Variants in KIF16B observed in about 807,000 individuals in gnomAD.
KIF16B encodes the protein kinesin family member 16B.
In KIF16B, 98 loss-of-function variants were observed where a neutral mutation model predicts 156.3. That is an observed-to-expected ratio of 0.63 (90% CI 0.53 to 0.74). KIF16B has a LOEUF of 0.74. Among genes scored for constraint, KIF16B ranks in the 30% least tolerant of loss-of-function variants. The pLI is 0.00. For synonymous variants in KIF16B, 564 were observed against 583.7 expected (o/e 0.97, Z 0.49); for missense variants, 1,421 against 1,606.5 (o/e 0.88, Z 1.97).
intron 1 of KIF16B, among the ~76,000 whole-genome samples, chr20:16,556,406 C>T (rs2070849380): frequency 6.6e-6 from 1 of 152,234 alleles, no homozygotes; most frequent in Non-Finnish European, 1.5e-5. Context: ...CGATGCAAAA[C>T]ACGATGCTTT....
intron 12 of KIF16B, among the ~76,000 whole-genome samples, chr20:16,441,369 T>C (rs912942121): frequency 1.3e-5 from 2 of 152,126 alleles, no homozygotes; most frequent in Non-Finnish European, 2.9e-5. Flanking sequence ...GTTACAAATG[T>C]TTCCCCTTCC....
At chr20:16,339,273 C>T (rs949698181) in intron 23 of KIF16B, among the ~76,000 whole-genome samples, 1 of 152,184 alleles carries the variant, frequency 6.6e-6, no homozygotes, top group Non-Finnish European at 1.5e-5. Flanking sequence ...AAGGATCTGA[C>T]GTAGCTGTCT....
rs988970697 is a variant in KIF16B, at chr20:16,565,982, A to G, written c.47+7247T>C. ...TACATGACGACGTTCCTACACAAAC[A>G]GGAAAAAGACTAGGTGCAAACGCAC... On this transcript the variant is annotated intron_variant, in intron 1 of 25. Transcript: ENST00000354981. 3.3e-5 allele frequency among the ~76,000 whole-genome samples: 5 copies of G among 152,286 alleles called. No homozygotes were observed. In the East Asian group the frequency reaches 7.7e-4, roughly 23 times the overall value.
At chr20:16,397,924 C>G (rs1282544056) in intron 17 of KIF16B, among the ~76,000 whole-genome samples, 1 of 152,198 alleles carries the variant, frequency 6.6e-6, no homozygotes, top group African/African-American at 2.4e-5. Context: ...ACCTACAGCT[C>G]AATGAATATT....
At chr20:16,413,511 T>C (rs957319212) in intron 15 of KIF16B, among the ~76,000 whole-genome samples, 2 of 152,166 alleles carry the variant, frequency 1.3e-5, no homozygotes, top group Admixed American at 1.3e-4. Flanking sequence ...ACTGTTTTCA[T>C]ATGAATATTT....
chr20:16,408,546 C>A (rs1173945895), intron 15 of KIF16B, among the ~76,000 whole-genome samples: 1 of 152,084 alleles, frequency 6.6e-6, no homozygotes, highest in East Asian at 1.9e-4. Flanking sequence ...AATTACATCT[C>A]CAATTCTTCT....
In KIF16B at chr20:16,356,597, G is replaced by T. The variant is rs550002160; in HGVS notation, c.3499-145C>A. On this transcript the variant is annotated intron_variant, in intron 22 of 25. Transcript: ENST00000354981. ...GTAGGGTTTATTTAGAAAAATGATG[G>T]TTTCCTTTGAAAGAGAAAAGCTAAG... 480 of 880,482 alleles carry T rather than the reference G, an allele frequency of 5.5e-4. 1 individual carries two copies. In the African/African-American group the frequency reaches 7.5e-3, roughly 14 times the overall value. 54.5% of individuals were successfully genotyped at this position (880,482 alleles called of 1,614,324 possible). A position where few individuals can be genotyped will look rare whatever the true frequency, so the allele number is the denominator to read the frequency against.
chr20:16,339,974 G>A (rs905412584), intron 23 of KIF16B, among the ~76,000 whole-genome samples: 9 of 151,964 alleles, frequency 5.9e-5, no homozygotes, highest in African/African-American at 2.2e-4. Context: ...AGTGTGATGG[G>A]GCCATTTCTT....
chr20:16,525,806 A>G (rs2069520177), intron 3 of KIF16B, among the ~76,000 whole-genome samples: 1 of 152,188 alleles, frequency 6.6e-6, no homozygotes, highest in Non-Finnish European at 1.5e-5. Context: ...TTCTATGTAG[A>G]GCTCCTTCTA....
intron 1 of KIF16B, among the ~76,000 whole-genome samples, chr20:16,553,410 A>G (rs1442569391): frequency 6.6e-6 from 1 of 152,174 alleles, no homozygotes; most frequent in East Asian, 1.9e-4. Flanking sequence ...TTCCCACAAG[A>G]TCATGAGCTA....
chr20:16,289,669 G>A (rs926624889), intron 25 of KIF16B, among the ~76,000 whole-genome samples: 1 of 151,742 alleles, frequency 6.6e-6, no homozygotes, highest in Non-Finnish European at 1.5e-5. Flanking sequence ...GTGAAACCCC[G>A]TCTCTACTAA....
chr20:16,551,538 G>C (rs1242444345), intron 1 of KIF16B, among the ~76,000 whole-genome samples: 1 of 152,312 alleles, frequency 6.6e-6, no homozygotes, highest in East Asian at 1.9e-4. Flanking sequence ...AGGCCCTAAA[G>C]GTGTGCAACT....
At chr20:16,382,637 T>C (rs991784256) in intron 17 of KIF16B, among the ~76,000 whole-genome samples, 4 of 152,196 alleles carry the variant, frequency 2.6e-5, no homozygotes, top group South Asian at 2.1e-4. Context: ...TCAAATACTA[T>C]ATTTAATTAT....
At chr20:16,539,323 T>C (rs1402617298) in intron 1 of KIF16B, among the ~76,000 whole-genome samples, 7 of 152,166 alleles carry the variant, frequency 4.6e-5, no homozygotes, top group East Asian at 1.9e-4. Context: ...ATACAAACAG[T>C]GAGAGCCAGG....
chr20:16,340,767 C>T (rs2064126916), intron 23 of KIF16B, among the ~76,000 whole-genome samples: 1 of 152,172 alleles, frequency 6.6e-6, no homozygotes, highest in African/African-American at 2.4e-5. Context: ...ACCTGCCTCA[C>T]AATTTTGGGT....
At chr20:16,464,161 T>A (rs2067423923) in intron 12 of KIF16B, among the ~76,000 whole-genome samples, 1 of 152,192 alleles carries the variant, frequency 6.6e-6, no homozygotes, top group Non-Finnish European at 1.5e-5. Flanking sequence ...GTGCCACTAA[T>A]AATTATAATG....
chr20:16,469,666 G>T (rs1203411027), intron 12 of KIF16B, among the ~76,000 whole-genome samples: 2 of 151,810 alleles, frequency 1.3e-5, no homozygotes, highest in African/African-American at 4.8e-5. Context: ...TTCAAAACAT[G>T]ACAACACAAA....
At chr20:16,391,813 C>T (rs575531278) in intron 17 of KIF16B, among the ~76,000 whole-genome samples, 16 of 152,264 alleles carry the variant, frequency 1.1e-4, no homozygotes, top group South Asian at 2.1e-4. Flanking sequence ...GGTTGTCTCC[C>T]CCTCCACTGG....
chr20:16,561,612 A>G (rs2071066221), intron 1 of KIF16B, among the ~76,000 whole-genome samples: 1 of 146,276 alleles, frequency 6.8e-6, no homozygotes, highest in African/African-American at 2.6e-5. Flanking sequence ...TACAAACAGG[A>G]AAAAAAAAAT....
Sources: gnomAD v4.1 joint callset for allele counts (sites outside exome capture counted in the v4.1 genomes callset) on GRCh38, gnomAD v4.1.1 for gene constraint, MANE v1.5 for transcripts, NCBI Gene and HGNC (gene_info 2026-07-23, HGNC 2026-07-21) for gene names.